PDK1: variants seen among roughly 807,000 people sequenced by gnomAD.
PDK1 encodes the protein pyruvate dehydrogenase kinase 1.
A neutral mutation model predicts 54.2 loss-of-function variants in PDK1; 39 were observed. The observed-to-expected ratio is 0.72, with a 90% confidence interval of 0.56 to 0.94. The LOEUF (loss-of-function observed/expected upper bound fraction) is 0.94, where lower values mean the gene tolerates loss of function less well. Among genes scored for constraint, PDK1 ranks in the 40% least tolerant of loss-of-function variants. PDK1 has a pLI of 0.00. For missense variants in PDK1, 552 were observed against 566.0 expected (o/e 0.98, Z 0.25); for synonymous variants, 221 against 207.1 (o/e 1.07, Z -0.58).
At chr2:172,614,362 A>G in the PDK1 span, among the ~76,000 whole-genome samples, 22 of 152,170 alleles carry the variant, frequency 1.4e-4, no homozygotes, top group Admixed American at 1.1e-3. Context: ...CGTGCTGCTC[A>G]TGGCTGCCTA....
the PDK1 span, among the ~76,000 whole-genome samples, chr2:172,648,402 A>G: frequency 6.6e-6 from 1 of 152,220 alleles, no homozygotes; most frequent in Non-Finnish European, 1.5e-5. Flanking sequence ...CCGAATAGGA[A>G]CAGCTCCAGT....
chr2:172,635,923 T>G, the PDK1 span, among the ~76,000 whole-genome samples: 23 of 152,342 alleles, frequency 1.5e-4, no homozygotes, highest in East Asian at 3.7e-3. Context: ...GTACCTTGCC[T>G]TGGCTTTCCT....
chr2:172,669,051 A>ATT, the PDK1 span, among the ~76,000 whole-genome samples: 6 of 70,578 alleles, frequency 8.5e-5, no homozygotes, highest in African/African-American at 2.9e-4. Flanking sequence ...GAATTTCCTG[A>ATT]TTTTTTTTTT....
chr2:172,665,138 C>G, the PDK1 span, among the ~76,000 whole-genome samples: 1 of 151,230 alleles, frequency 6.6e-6, no homozygotes, highest in African/African-American at 2.4e-5. Context: ...ACTCTTCCCA[C>G]CTAGTGCCAA....
At chr2:172,665,398 G>A in the PDK1 span, among the ~76,000 whole-genome samples, 265 of 152,292 alleles carry the variant, frequency 1.7e-3, no homozygotes, top group African/African-American at 6.1e-3. Flanking sequence ...GGGCTAGGGT[G>A]TGGTGAGGGA....
At chr2:172,698,892 T>G in the PDK1 span, among the ~76,000 whole-genome samples, 7 of 152,260 alleles carry the variant, frequency 4.6e-5, no homozygotes, top group Non-Finnish European at 7.4e-5. Flanking sequence ...CCTCAGGTGA[T>G]TTTTATGTGC....
intron 9 of PDK1, among the ~76,000 whole-genome samples, chr2:172,588,687 C>T (rs888670844): frequency 2.0e-5 from 3 of 152,172 alleles, no homozygotes; most frequent in Non-Finnish European, 4.4e-5. Context: ...AGTCAGCAGG[C>T]AGTAGGGTAG....
the PDK1 span, chr2:172,679,039 A>G: frequency 2.0e-5 from 3 of 152,220 alleles, no homozygotes; most frequent in Non-Finnish European, 4.4e-5. Flanking sequence ...AAGCAATAAT[A>G]ATTGAACATT....
chr2:172,712,731 A>G, the PDK1 span, among the ~76,000 whole-genome samples: 3 of 152,204 alleles, frequency 2.0e-5, no homozygotes, highest in African/African-American at 7.2e-5. Context: ...GGGCTTCCCA[A>G]AGAGCTGCAG....
chr2:172,649,011 T>G, the PDK1 span, among the ~76,000 whole-genome samples: 1 of 152,220 alleles, frequency 6.6e-6, no homozygotes, highest in Non-Finnish European at 1.5e-5. Context: ...GAGTTTGAGA[T>G]CTGAGAATGG....
In PDK1 at chr2:172,556,143, G is replaced by T. The variant is rs1193779697; in HGVS notation, c.-8G>T. The T allele has an allele frequency of 1.4e-6, 2 of 1,407,142 alleles. No individual in the cohort carries two copies. Among genetic ancestry groups the T allele is most frequent in the Non-Finnish European group, 1.8e-6 (2 of 1,087,138 alleles). The allele number at this position is 1,407,142 out of a possible 1,614,324, so 87.2% of individuals were successfully genotyped here. A position where few individuals can be genotyped will look rare whatever the true frequency, so the allele number is the denominator to read the frequency against. On this transcript the variant is annotated 5_prime_UTR_variant, in exon 1 of 11. Coordinates refer to ENST00000282077, the MANE Select transcript of PDK1 (RefSeq NM_002610.5). The stretch of plus-strand genomic sequence containing the variant: ...GTACTGGCTGTGGCTTCTCTAGCGG[G>T]ACTCGGCATGAGGCTGGCGCGGCTG...
intron 8 of PDK1, among the ~76,000 whole-genome samples, chr2:172,573,132 C>T (rs1689373335): frequency 6.6e-6 from 1 of 152,144 alleles, no homozygotes. Context: ...ATTGCTGAAT[C>T]ATAGGAAACT....
chr2:172,648,921 A>G, the PDK1 span, among the ~76,000 whole-genome samples: 5 of 152,232 alleles, frequency 3.3e-5, no homozygotes, highest in African/African-American at 1.2e-4. Context: ...GCATAGCTGA[A>G]CAAAAGGCAG....
chr2:172,615,861 T>C, the PDK1 span, among the ~76,000 whole-genome samples: 1 of 152,238 alleles, frequency 6.6e-6, no homozygotes, highest in Non-Finnish European at 1.5e-5. Flanking sequence ...TTTCTTAAAT[T>C]AGCAAGTCCA....
chr2:172,585,201 G>T (rs1188523316), intron 8 of PDK1, among the ~76,000 whole-genome samples: 4 of 151,140 alleles, frequency 2.6e-5, no homozygotes, highest in South Asian at 2.1e-4. Flanking sequence ...GTCTTACTCT[G>T]TTGTGCAGGC....
At chr2:172,683,067 C>T in the PDK1 span, among the ~76,000 whole-genome samples, 12 of 152,030 alleles carry the variant, frequency 7.9e-5, no homozygotes, top group African/African-American at 1.4e-4. Context: ...TATAAAGAGG[C>T]TGGGCATGGG....
At chr2:172,611,659 A>G (rs1031546701), downstream of PDK1, among the ~76,000 whole-genome samples, 7 of 152,230 alleles carry the variant, frequency 4.6e-5, no homozygotes, top group South Asian at 8.3e-4. Context: ...TCCCGCCAAA[A>G]TGTTAAATCC....
At chr2:172,583,265 G>A (rs1347424006) in intron 8 of PDK1, among the ~76,000 whole-genome samples, 1 of 133,390 alleles carries the variant, frequency 7.5e-6, no homozygotes, top group Admixed American at 7.5e-5. Flanking sequence ...GCATAATGCT[G>A]CATAAAAGTT....
chr2:172,694,058 C>T, the PDK1 span, among the ~76,000 whole-genome samples: 1 of 152,180 alleles, frequency 6.6e-6, no homozygotes, highest in Non-Finnish European at 1.5e-5. Context: ...GGTGTCCCAC[C>T]TCCGTGTGGC....
Sources: allele counts gnomAD v4.1 joint callset (sites outside exome capture counted in the v4.1 genomes callset), GRCh38; gene constraint gnomAD v4.1.1; transcripts MANE v1.5; gene names NCBI Gene and HGNC (gene_info 2026-07-23, HGNC 2026-07-21).